ARHGEF26: variants seen among roughly 807,000 people sequenced by gnomAD.
The protein encoded by ARHGEF26 is Rho guanine nucleotide exchange factor (GEF) 26.
Under a neutral mutation model 89.4 loss-of-function variants are expected in ARHGEF26, and 59 were observed. The ratio of observed to expected loss-of-function variants is 0.66; its 90% confidence interval spans 0.54 to 0.82. The LOEUF is 0.82. ARHGEF26 is among the 40% of genes least tolerant of loss of function. The pLI, the probability that ARHGEF26 is intolerant of heterozygous loss-of-function variation, is 0.00. For missense variants in ARHGEF26, 1,234 were observed against 1,085.6 expected, an observed-to-expected ratio of 1.14 and a Z score of -1.92; for synonymous variants, 500 against 428.4, an observed-to-expected ratio of 1.17 and a Z score of -2.06.
chr3:154,161,907 TCTC>T (rs369694118), intron 6 of ARHGEF26, among the ~76,000 whole-genome samples: 2 of 152,280 alleles, frequency 1.3e-5, no homozygotes, highest in African/African-American at 4.8e-5. Context: ...ATTAGACCAT[TCTC>T]CTGGTCACTT....
At chr3:154,162,448 T>G (rs1344688361) in intron 6 of ARHGEF26, among the ~76,000 whole-genome samples, 3 of 152,190 alleles carry the variant, frequency 2.0e-5, no homozygotes, top group African/African-American at 7.2e-5. Context: ...CCAAAAACTT[T>G]TCTTATTTCA....
At chr3:154,229,852 A>G (rs1229187004) in intron 11 of ARHGEF26, among the ~76,000 whole-genome samples, 1 of 152,206 alleles carries the variant, frequency 6.6e-6, no homozygotes, top group Non-Finnish European at 1.5e-5. Flanking sequence ...TGACACAGCA[A>G]GAATAGTAAT....
At chr3:154,199,643 G>A (rs1275581097) in intron 9 of ARHGEF26, among the ~76,000 whole-genome samples, 2 of 152,138 alleles carry the variant, frequency 1.3e-5, no homozygotes, top group African/African-American at 4.8e-5. Context: ...CCTCCAAACT[G>A]TTCTCCATAG....
intron 6 of ARHGEF26, among the ~76,000 whole-genome samples, chr3:154,186,136 G>GACAC (rs60675240): frequency 0.018 from 2,632 of 146,966 alleles, 31 homozygotes; most frequent in African/African-American, 0.035. Flanking sequence ...CACACACTTA[G>GACAC]ACACACACAC....
chr3:154,230,046 A>G (rs528922446), intron 11 of ARHGEF26, among the ~76,000 whole-genome samples: 151 of 152,354 alleles, frequency 9.9e-4, no homozygotes, highest in Non-Finnish European at 1.8e-3. Context: ...ACTGAATCCA[A>G]GATCTAACTA....
intron 6 of ARHGEF26, among the ~76,000 whole-genome samples, chr3:154,184,148 A>G (rs1310305276): frequency 6.6e-6 from 1 of 151,686 alleles, no homozygotes; most frequent in Non-Finnish European, 1.5e-5. Context: ...AATTTTTTGT[A>G]TTTTAAGTAG....
intron 9 of ARHGEF26, among the ~76,000 whole-genome samples, chr3:154,217,202 C>T (rs1390210506): frequency 1.5e-4 from 22 of 148,650 alleles, no homozygotes; most frequent in Admixed American, 2.7e-4. Context: ...ACCTGTTGTT[C>T]CCTGACTTTT....
intron 14 of ARHGEF26, among the ~76,000 whole-genome samples, chr3:154,255,111 G>A (rs1176762753): frequency 1.3e-5 from 2 of 152,004 alleles, no homozygotes; most frequent in South Asian, 2.1e-4. Flanking sequence ...GCTCAGCCCA[G>A]GTTCAAATAC....
chr3:154,129,672 G>A lies in ARHGEF26; in HGVS notation c.1222G>A (p.Val408Met). ...AGAACAGAAGTCAGATGAAAAAATTGTGATTCACCATAAGCCATTGAGATC... is the reference window on the plus strand; with the variant it reads ...AGAACAGAAGTCAGATGAAAAAATTATGATTCACCATAAGCCATTGAGATC... ...PKEQKSDEKIVIHHKPLRSTW... is the reference protein window; with the variant it reads ...PKEQKSDEKIMIHHKPLRSTW... The change falls in exon 4 of 15, where the codon GTG (valine) becomes ATG (methionine). Residue 408 changes from valine (V) to methionine (M), a missense_variant. By Grantham distance (21) the Val-to-Met change is conservative (BLOSUM62 1). Coordinates refer to ENST00000465093, the MANE Select transcript of ARHGEF26 (RefSeq NM_015595.4). 2 of 1,612,336 alleles carry A rather than the reference G, an allele frequency of 1.2e-6. No individual in the cohort carries two copies. Among genetic ancestry groups the A allele is most frequent in the Non-Finnish European group, 1.7e-6 (2 of 1,179,160 alleles).
chr3:154,127,557 A>G (rs1718405763), intron 3 of ARHGEF26, among the ~76,000 whole-genome samples: 1 of 151,468 alleles, frequency 6.6e-6, no homozygotes, highest in South Asian at 2.1e-4. Flanking sequence ...GTCTTCTGGA[A>G]TACCTCCTGA....
At chr3:154,158,461 C>T (rs1384454601) in intron 6 of ARHGEF26, among the ~76,000 whole-genome samples, 1 of 152,186 alleles carries the variant, frequency 6.6e-6, no homozygotes, top group Non-Finnish European at 1.5e-5. Context: ...GGGTGACACA[C>T]TTTCCTTTTG....
chr3:154,154,647 TC>T (rs1225347608), intron 6 of ARHGEF26, among the ~76,000 whole-genome samples: 2 of 151,984 alleles, frequency 1.3e-5, no homozygotes, highest in African/African-American at 4.8e-5. Flanking sequence ...GTATATGTAT[TC>T]CCCTCACTTT....
intron 9 of ARHGEF26, among the ~76,000 whole-genome samples, chr3:154,216,512 T>TTA (rs1715755601): frequency 6.8e-6 from 1 of 147,312 alleles, no homozygotes; most frequent in Admixed American, 6.7e-5. Flanking sequence ...ATTTTTTATT[T>TTA]TTTTTTTATG....
rs1256404209 is a variant in ARHGEF26 at position 154,255,444 on chromosome 3, C to T, written c.2587C>T (p.Arg863Cys). The change falls in exon 15 of 15, where the codon CGC becomes TGC. Residue 863 changes from arginine to cysteine, a missense_variant. Transcript: ENST00000465093. ...TGATAAGAATGTGGAGAGAATGGGA[C>T]GCTTGCTAGGACTGGAGACCAACGT... ...TIDKNVERMG[R>C]LLGLETNV is the part of the protein sequence containing the mutation. The T allele has an allele frequency of 3.7e-6, 6 of 1,613,656 alleles. No homozygotes were observed. The highest frequency in any genetic ancestry group is 5.1e-6 in the Non-Finnish European group (6 of 1,179,748).
intron 13 of ARHGEF26, among the ~76,000 whole-genome samples, chr3:154,253,907 T>C (rs1718317065): frequency 6.6e-6 from 1 of 152,204 alleles, no homozygotes; most frequent in Non-Finnish European, 1.5e-5. Context: ...AGCTTTGTAT[T>C]AAAAAGCAAA....
chr3:154,156,233 T>C (rs1180328030), intron 6 of ARHGEF26, among the ~76,000 whole-genome samples: 1 of 152,080 alleles, frequency 6.6e-6, no homozygotes, highest in East Asian at 1.9e-4. Context: ...TCATAATTGG[T>C]TAACCTTGAA....
At chr3:154,146,023 A>AATACTCTAAATTATCTAAATATCT (rs1188002418) in intron 4 of ARHGEF26, among the ~76,000 whole-genome samples, 166 of 152,334 alleles carry the variant, frequency 1.1e-3, no homozygotes, top group African/African-American at 3.8e-3. Flanking sequence ...TATTTATCTG[A>AATACTCTAAATTATCTAAATATCT]GAAGCTCAGA....
At chr3:154,123,518 G>A (rs1368539268) in intron 2 of ARHGEF26, among the ~76,000 whole-genome samples, 1 of 152,180 alleles carries the variant, frequency 6.6e-6, no homozygotes, top group African/African-American at 2.4e-5. Flanking sequence ...TCCTGTTTGA[G>A]CCTGTTGATT....
At chr3:154,246,363 A>G (rs1351661667) in intron 12 of ARHGEF26, among the ~76,000 whole-genome samples, 1 of 152,136 alleles carries the variant, frequency 6.6e-6, no homozygotes, top group South Asian at 2.1e-4. Flanking sequence ...GTGGCAGTCA[A>G]TGGGCAACAA....
Sources: gnomAD v4.1 joint callset for allele counts (sites outside exome capture counted in the v4.1 genomes callset) on GRCh38, gnomAD v4.1.1 for gene constraint, MANE v1.5 for transcripts, NCBI Gene and HGNC (gene_info 2026-07-23, HGNC 2026-07-21) for gene names.